Variants in YARS2 observed in about 807,000 individuals in gnomAD.
YARS2 encodes the protein tyrosine--tRNA ligase, mitochondrial.
Under a neutral mutation model 45.0 loss-of-function variants are expected in YARS2, and 38 were observed. The ratio of observed to expected loss-of-function variants is 0.84; its 90% CI spans 0.65 to 1.11. YARS2 has a LOEUF of 1.11. Ranked by LOEUF, YARS2 falls within the 50% of genes least tolerant of loss-of-function variation. YARS2 has a pLI of 0.00. For synonymous variants in YARS2, 287 were observed against 245.1 expected (o/e 1.17, Z -1.60); for missense variants, 602 against 599.8 (o/e 1.00, Z -0.04).
chr12:32,754,710 C>T lies in YARS2; in HGVS notation c.779+386G>A, dbSNP rs912602578. On this transcript the variant is annotated intron_variant, in intron 1 of 4. Coordinates refer to ENST00000324868, the MANE Select transcript of YARS2 (RefSeq NM_001040436.3). The stretch of plus-strand genomic sequence containing the variant: ...CAAATCTTCACTAGTGGTCTGTTTC[C>T]CTTTTTTTTTTTTTTTTTTTTGAGA... 1.7e-3 allele frequency among the ~76,000 whole-genome samples: 231 copies of T among 139,362 alleles called. 1 individual carries two copies. The highest frequency in any genetic ancestry group is 3.1e-3 in the Non-Finnish European group (199 of 64,382). 91.4% of individuals were successfully genotyped at this position (139,362 alleles called of 152,430 possible). A position where few individuals can be genotyped will look rare whatever the true frequency, so the allele number is the denominator to read the frequency against.
chr12:32,750,807 C>T lies in YARS2; in HGVS notation c.1015G>A (p.Glu339Lys), dbSNP rs144355430. Residue 339 changes from glutamate (E) to lysine (K), a missense_variant, in exon 3 of 5, where the codon GAG becomes AAG. By Grantham distance (56) the Glu-to-Lys change is moderately conservative (BLOSUM62 1). Coordinates refer to ENST00000324868, the MANE Select transcript of YARS2 (RefSeq NM_001040436.3). Reference sequence around the variant, plus strand: ...TTCTGAGGACCCCGCCTTTCTGGCTCTTTGACATGCAGCTGCATGATATGA... The same window carrying T: ...TTCTGAGGACCCCGCCTTTCTGGCTTTTTGACATGCAGCTGCATGATATGA... ...IDHIMQLHVK[E>K]PERRGPQKRL... The T allele has an allele frequency of 1.9e-6, 3 of 1,614,012 alleles. No homozygotes were observed. In the African/African-American group the frequency reaches 4.0e-5, roughly 22 times the overall value.
intron 4 of YARS2, among the ~76,000 whole-genome samples, chr12:32,748,668 T>G (rs1259229384): frequency 6.6e-6 from 1 of 152,200 alleles, no homozygotes; most frequent in Non-Finnish European, 1.5e-5. Context: ...ATTCACTGTG[T>G]GTTAAACCAG....
At chr12:32,753,853 A>C in intron 2 of YARS2, 65 bp downstream of exon 2, 1 of 1,596,092 alleles carries the variant, frequency 6.3e-7, no homozygotes, top group East Asian at 2.2e-5. Flanking sequence ...ACATAGATTC[A>C]ATGGCTAAAA....
chr12:32,749,572 T>C (rs1019871837), intron 4 of YARS2, among the ~76,000 whole-genome samples: 1 of 152,168 alleles, frequency 6.6e-6, no homozygotes, highest in Non-Finnish European at 1.5e-5. Flanking sequence ...ACACATGCTG[T>C]GAACTGTAAC....
Position 32,751,071 on chromosome 12 carries a change from C to CT in YARS2, c.948-198dup, listed in dbSNP as rs57698169. 0.18 allele frequency among the ~76,000 whole-genome samples: 26,155 copies of CT among 141,556 alleles called. 2,840 individuals carry two copies. Among genetic ancestry groups the CT allele is most frequent in the African/African-American group, 0.32 (12,001 of 38,074 alleles). The allele number at this position is 141,556 out of a possible 152,430, so 92.9% of individuals were successfully genotyped here. ...ATTTTGGCATCTTTGTTTTCAATTT[C>CT]TTTTTTTTTTTTTTGAGATGGGGGT... On this transcript the variant is annotated intron_variant, in intron 2 of 4. Transcript: ENST00000324868.
chr12:32,754,221 C>T (rs1955803227), intron 1 of YARS2, 136 bp from the exon 2 acceptor site: 2 of 1,002,736 alleles, frequency 2.0e-6, no homozygotes, highest in East Asian at 2.5e-5. Flanking sequence ...ATTCTTGTTC[C>T]TCTTATGTAT....
At chr12:32,750,650 ACTC>A (rs1194430966) in intron 3 of YARS2, 66 bp downstream of exon 3, 2 of 1,592,164 alleles carry the variant, frequency 1.3e-6, no homozygotes, top group Non-Finnish European at 1.7e-6. Context: ...CCTAAAACAT[ACTC>A]CTACTTTTCT....
In YARS2 at chr12:32,755,855, C is replaced by A; in HGVS notation, c.20G>T (p.Arg7Leu). 1 of 1,613,238 alleles carries A rather than the reference C, an allele frequency of 6.2e-7. No individual in the cohort carries two copies. The highest frequency in any genetic ancestry group is 1.7e-5 in the Admixed American group (1 of 60,026). MAAPILRSFSWGRWSGT... is the reference protein window; with the variant it reads MAAPILLSFSWGRWSGT... ...AGACCACCGGCCCCAGGAAAAGGACCGCAAGATGGGCGCCGCCATCTTGGT... is the reference window on the plus strand; with the variant it reads ...AGACCACCGGCCCCAGGAAAAGGACAGCAAGATGGGCGCCGCCATCTTGGT... Residue 7 changes from arginine (R) to leucine (L), a missense_variant, in exon 1 of 5, where the codon CGG (arginine) becomes CTG (leucine). By Grantham distance (102) the Arg-to-Leu change is moderately radical. Coordinates refer to ENST00000324868, the MANE Select transcript of YARS2 (RefSeq NM_001040436.3).
rs116723626 is a variant in YARS2 at position 32,751,881 on chromosome 12, C to T, written c.948-1007G>A. Among the ~76,000 whole-genome samples the T allele has an allele frequency of 3.7e-3, 558 of 152,328 alleles. 7 individuals are homozygous for T. The highest frequency in any genetic ancestry group is 0.013 in the African/African-American group (520 of 41,574). ...GCGCAGCCCTGTTCCTAACAGGCCA[C>T]GGACTGGTACAGTCCAACAGTGGTT... On this transcript the variant is annotated intron_variant, in intron 2 of 4. Transcript: ENST00000324868.
chr12:32,747,202 C>T lies in YARS2; in HGVS notation c.*2G>A, dbSNP rs1036928579. On this transcript the variant is annotated 3_prime_UTR_variant, in exon 5 of 5. Coordinates refer to ENST00000324868, the MANE Select transcript of YARS2 (RefSeq NM_001040436.3). Reference sequence around the variant, plus strand: ...TATTTGGACAACCAGAAGGACTTTTCATCACAACTGAAGCCATTTTATAAT... The same window carrying T: ...TATTTGGACAACCAGAAGGACTTTTTATCACAACTGAAGCCATTTTATAAT... The T allele has an allele frequency of 6.2e-7, 1 of 1,612,204 alleles. No homozygotes were observed. Among genetic ancestry groups the T allele is most frequent in the Admixed American group, 1.7e-5 (1 of 60,006 alleles).
rs1955837522 is a variant in YARS2 at position 32,755,812 on chromosome 12, TGA to T, written c.61_62del (p.Val22IlefsTer8). 2 of 1,613,610 alleles carry T rather than the reference TGA, an allele frequency of 1.2e-6. No individual in the cohort carries two copies. The highest frequency in any genetic ancestry group is 1.7e-6 in the Non-Finnish European group (2 of 1,180,014). On this transcript the variant is annotated frameshift_variant, in exon 1 of 5. Coordinates refer to ENST00000324868, the MANE Select transcript of YARS2 (RefSeq NM_001040436.3). LOFTEE classifies it high-confidence loss of function. The part of the protein sequence containing the change: ...WGRWSGTLNL[S>X]VLLPLGLRKA... ...TACGCAGCCCCAAGGGCAACAATACTGAGAGATTTAGGGTACCAGACCACCGG... is the reference window on the plus strand; with the variant it reads ...TACGCAGCCCCAAGGGCAACAATACTGAGATTTAGGGTACCAGACCACCGG...
chr12:32,750,266 A>T (rs1955715551), intron 3 of YARS2, among the ~76,000 whole-genome samples, 159 bp from the exon 4 acceptor site: 1 of 152,096 alleles, frequency 6.6e-6, no homozygotes, highest in Non-Finnish European at 1.5e-5. Flanking sequence ...CAATGGCATG[A>T]TCTCGGCTCA....
Position 32,746,690 on chromosome 12 carries a change from A to T in YARS2, c.*514T>A, listed in dbSNP as rs1955641784. On this transcript the variant is annotated 3_prime_UTR_variant, in exon 5 of 5. Coordinates refer to ENST00000324868, the MANE Select transcript of YARS2 (RefSeq NM_001040436.3). ...GTAGCTGGGGTTACAGGTGCCTGCA[A>T]CCACATCTGGCTAATTTTTATATTT... 6.3e-6 allele frequency: 1 copy of T among 157,710 alleles called. No individual in the cohort carries two copies. Among genetic ancestry groups the T allele is most frequent in the South Asian group, 1.9e-4 (1 of 5,252 alleles). The allele number at this position is 157,710 out of a possible 1,614,324, so 9.8% of individuals were successfully genotyped here. A position where few individuals can be genotyped will look rare whatever the true frequency, so the allele number is the denominator to read the frequency against.
At chr12:32,752,740 CAAAAAAAAAAA>C (rs56907654) in intron 2 of YARS2, 105 of 196,648 alleles carry the variant, frequency 5.3e-4, no homozygotes, top group Middle Eastern at 1.7e-3. Context: ...GACACTGCCT[CAAAAAAAAAAA>C]AAAAAAAAAA....
intron 4 of YARS2, among the ~76,000 whole-genome samples, chr12:32,748,209 C>T (rs955167401): frequency 6.6e-5 from 10 of 152,020 alleles, no homozygotes; most frequent in African/African-American, 2.4e-4. Flanking sequence ...CTCACTACGT[C>T]CTTGCCCACA....
At position 32,755,685 on chromosome 12, in the gene YARS2, G is replaced by A; in HGVS notation, c.190C>T (p.Leu64Phe). 1.2e-6 allele frequency: 2 copies of A among 1,614,260 alleles called. No individual in the cohort carries two copies. The highest frequency in any genetic ancestry group is 1.7e-6 in the Non-Finnish European group (2 of 1,180,054). ...ETGTKIELPELFDRGTASFPQ... is the reference protein window; with the variant it reads ...ETGTKIELPEFFDRGTASFPQ... ...AAACTCGCCGTGCCACGGTCGAAGAGCTCTGGGAGCTCTATTTTCGTCCCC... is the reference window on the plus strand; with the variant it reads ...AAACTCGCCGTGCCACGGTCGAAGAACTCTGGGAGCTCTATTTTCGTCCCC... Residue 64 changes from leucine (L) to phenylalanine (F), a missense_variant, in exon 1 of 5, where the codon CTC becomes TTC. Leu to Phe is a conservative substitution (Grantham distance 22). Transcript: ENST00000324868.
Position 32,755,879 on chromosome 12 carries a change from G to C in YARS2, c.-5C>G, listed in dbSNP as rs1032052503. 1.9e-6 allele frequency: 3 copies of C among 1,612,814 alleles called. No individual in the cohort carries two copies. The highest frequency in any genetic ancestry group is 1.6e-4 in the Middle Eastern group (1 of 6,076). Reference sequence around the variant, plus strand: ...CCGCAAGATGGGCGCCGCCATCTTGGTAGCGGCACGAAGGGAATGCTGGGA... The same window carrying C: ...CCGCAAGATGGGCGCCGCCATCTTGCTAGCGGCACGAAGGGAATGCTGGGA... On this transcript the variant is annotated 5_prime_UTR_variant, in exon 1 of 5. Transcript: ENST00000324868.
At chr12:32,753,776 T>G in intron 2 of YARS2, 142 bp downstream of exon 2, 1 of 1,096,518 alleles carries the variant, frequency 9.1e-7, no homozygotes, top group Non-Finnish European at 1.3e-6. Flanking sequence ...TAAAAATTAG[T>G]CTTCTATGAT....
In YARS2 at chr12:32,750,852, G is replaced by C; in HGVS notation, c.970C>G (p.Leu324Val). The C allele has an allele frequency of 6.2e-7, 1 of 1,614,054 alleles. No homozygotes were observed. Among genetic ancestry groups the C allele is most frequent in the Non-Finnish European group, 8.5e-7 (1 of 1,180,030 alleles). Residue 324 changes from leucine (L) to valine (V), a missense_variant, in exon 3 of 5, where the codon CTG (leucine) becomes GTG (valine). Leu to Val is a conservative substitution (Grantham distance 32). Transcript: ENST00000324868. Reference protein sequence around the residue: ...VERYLKLFTFLPLPEIDHIMQ... With the variant: ...VERYLKLFTFVPLPEIDHIMQ... ...ATATGATCAATCTCTGGAAGGGGCAGGAAAGTGAACAGCTTCAGGTACCTT... is the reference window on the plus strand; with the variant it reads ...ATATGATCAATCTCTGGAAGGGGCACGAAAGTGAACAGCTTCAGGTACCTT...
Sources: allele counts gnomAD v4.1 joint callset (sites outside exome capture counted in the v4.1 genomes callset), GRCh38; gene constraint gnomAD v4.1.1; transcripts MANE v1.5; gene names NCBI Gene and HGNC (gene_info 2026-07-23, HGNC 2026-07-21).